The following PAPPA variants were observed in gnomAD, a reference collection of about 807,000 sequenced individuals.
PAPPA encodes the protein pappalysin 1, also known as pappalysin-1.
A neutral mutation model predicts 164.0 loss-of-function variants in PAPPA; 60 were observed. That is an observed-to-expected ratio of 0.37 (90% CI 0.30 to 0.45). The LOEUF is 0.45. Among genes scored for constraint, PAPPA ranks in the 20% least tolerant of loss-of-function variants. The pLI is 1.00. For synonymous variants in PAPPA, 875 were observed against 814.1 expected, an observed-to-expected ratio of 1.07 and a Z score of -1.27; for missense variants, 1,782 against 2,087.3, an observed-to-expected ratio of 0.85 and a Z score of 2.85.
chr9:116,225,696 A>T (rs867351760), intron 5 of PAPPA, among the ~76,000 whole-genome samples: 4 of 152,154 alleles, frequency 2.6e-5, no homozygotes, highest in Non-Finnish European at 5.9e-5. Flanking sequence ...CAAAATTTCC[A>T]CCTACATATG....
At chr9:116,285,674 C>CGTCATCAT (rs1845330074) in intron 9 of PAPPA, among the ~76,000 whole-genome samples, 2 of 152,130 alleles carry the variant, frequency 1.3e-5, no homozygotes, top group African/African-American at 4.8e-5. Context: ...AATCCTGTGC[C>CGTCATCAT]GTCATCATTT....
intron 10 of PAPPA, among the ~76,000 whole-genome samples, chr9:116,312,288 C>CTTTTTTTTTTTTTTTTTTTTTCT: frequency 7.7e-6 from 1 of 129,638 alleles, no homozygotes; most frequent in Non-Finnish European, 1.6e-5. Context: ...TTCTTTCTTT[C>CTTTTTTTTTTTTTTTTTTTTTCT]TTTTTTTTTT....
chr9:116,276,531 C>G (rs1009948119), intron 9 of PAPPA, among the ~76,000 whole-genome samples: 1 of 151,912 alleles, frequency 6.6e-6, no homozygotes, highest in Non-Finnish European at 1.5e-5. Context: ...GACTGAGACT[C>G]TAAAGCTTCT....
At chr9:116,220,755 G>A (rs1052906507) in intron 5 of PAPPA, among the ~76,000 whole-genome samples, 2 of 151,442 alleles carry the variant, frequency 1.3e-5, no homozygotes, top group South Asian at 4.2e-4. Flanking sequence ...GTGTGGTGGT[G>A]CGCGCCTGTA....
At chr9:116,357,913 C>T (rs1417300397) in intron 17 of PAPPA, among the ~76,000 whole-genome samples, 2 of 152,214 alleles carry the variant, frequency 1.3e-5, no homozygotes, top group Non-Finnish European at 2.9e-5. Flanking sequence ...ATCTTCAACA[C>T]ACCCAGCTCA....
chr9:116,312,900 G>A (rs941103025), intron 10 of PAPPA, among the ~76,000 whole-genome samples: 1 of 151,802 alleles, frequency 6.6e-6, no homozygotes, highest in Non-Finnish European at 1.5e-5. Flanking sequence ...TGGCTAACAC[G>A]GTGAAACCTC....
intron 9 of PAPPA, among the ~76,000 whole-genome samples, chr9:116,290,847 G>C (rs1409934237): frequency 6.6e-6 from 1 of 151,536 alleles, no homozygotes; most frequent in Admixed American, 6.6e-5. Context: ...CCATTTATTA[G>C]CTTATATTAT....
At chr9:116,356,135 C>A (rs1316831018) in intron 17 of PAPPA, among the ~76,000 whole-genome samples, 1 of 152,138 alleles carries the variant, frequency 6.6e-6, no homozygotes, top group Non-Finnish European at 1.5e-5. Flanking sequence ...CCACTAAAAG[C>A]AAATAAAAAC....
chr9:116,303,742 G>A (rs1251127508), intron 10 of PAPPA, among the ~76,000 whole-genome samples: 1 of 152,092 alleles, frequency 6.6e-6, no homozygotes, highest in Non-Finnish European at 1.5e-5. Context: ...CTATTCCCAG[G>A]CATTCCTTTC....
At position 116,271,378 on chromosome 9, in the gene PAPPA, C is replaced by T; in HGVS notation, c.2915C>T (p.Ser972Phe). The change falls in exon 9 of 22, where the codon TCC (serine) becomes TTC (phenylalanine). Residue 972 changes from serine to phenylalanine, a missense_variant. Physicochemically the swap from Ser to Phe is radical, Grantham distance 155. Coordinates refer to ENST00000328252, the MANE Select transcript of PAPPA (RefSeq NM_002581.5). This position sits in a 1 kb window ranked among gnomAD's most constrained non-coding sequence, Gnocchi z 4.2. ...AATAAGATCAATGGTGATGGCTGCT[C>T]CCTTTTCTGCCGACAAGAAGTCTCC... ...DMNKINGDGC[S>F]LFCRQEVSFN... is the part of the protein sequence containing the mutation. The T allele has an allele frequency of 2.5e-6, 4 of 1,613,916 alleles. No individual in the cohort carries two copies. Among genetic ancestry groups the T allele is most frequent in the Non-Finnish European group, 3.4e-6 (4 of 1,179,808 alleles).
chr9:116,386,332 C>T (rs1354195378), intron 21 of PAPPA, among the ~76,000 whole-genome samples: 3 of 152,172 alleles, frequency 2.0e-5, no homozygotes, highest in African/African-American at 4.8e-5. Flanking sequence ...TTGGACACCC[C>T]CAACTACTCC....
chr9:116,188,340 T>C, intron 2 of PAPPA, 124 bp downstream of exon 2: 1 of 678,148 alleles, frequency 1.5e-6, no homozygotes, highest in Non-Finnish European at 2.5e-6. Context: ...AGCAGCTTCA[T>C]GATTGAGGCA....
At chr9:116,303,733 T>C (rs910150006) in intron 10 of PAPPA, among the ~76,000 whole-genome samples, 3 of 152,212 alleles carry the variant, frequency 2.0e-5, no homozygotes, top group African/African-American at 7.2e-5. Flanking sequence ...GATGAGCTGC[T>C]ATTCCCAGGC....
Position 116,402,071 on chromosome 9 carries a change from AATTTAT to A in PAPPA, c.*5461_*5466del. ...ATTTATTAAGAATGTCATCTTTTTT[AATTTAT>A]ATTTACACAATTGTTCATCTAATTT... is the stretch of plus-strand genomic sequence containing the variant. On this transcript the variant is annotated 3_prime_UTR_variant, in exon 22 of 22. Coordinates refer to ENST00000328252, the MANE Select transcript of PAPPA (RefSeq NM_002581.5). 6.6e-6 allele frequency: 1 copy of A among 152,478 alleles called. No individual in the cohort carries two copies. Among genetic ancestry groups the A allele is most frequent in the Admixed American group, 6.6e-5 (1 of 15,264 alleles). The allele number at this position is 152,478 out of a possible 1,614,324, so 9.4% of individuals were successfully genotyped here. A position where few individuals can be genotyped will look rare whatever the true frequency, so the allele number is the denominator to read the frequency against.
Position 116,302,721 on chromosome 9 carries a change from A to C in PAPPA, c.2954-36A>C, listed in dbSNP as rs767337169. On this transcript the variant is annotated intron_variant, in intron 9 of 21. Coordinates refer to ENST00000328252, the MANE Select transcript of PAPPA (RefSeq NM_002581.5). ...TGCTGAGGCCAAAGAACAAATATTT[A>C]TTTATTCTCTCCCTTTCTATGTCAA... 10 of 1,557,810 alleles carry C rather than the reference A, an allele frequency of 6.4e-6. No homozygotes were observed. In the East Asian group the frequency reaches 2.3e-4, roughly 35 times the overall value.
chr9:116,282,765 G>A (rs1469379660), intron 9 of PAPPA, among the ~76,000 whole-genome samples: 3 of 152,192 alleles, frequency 2.0e-5, no homozygotes, highest in Non-Finnish European at 4.4e-5. Context: ...GCAGCAAACA[G>A]ATAATGAGAA....
chr9:116,199,356 A>C (rs554641167), intron 2 of PAPPA, among the ~76,000 whole-genome samples: 6 of 152,224 alleles, frequency 3.9e-5, no homozygotes, highest in Non-Finnish European at 8.8e-5. Context: ...TAAAAGAAAA[A>C]TACTACAGGA....
intron 10 of PAPPA, among the ~76,000 whole-genome samples, chr9:116,310,663 C>G (rs1053048006): frequency 6.6e-6 from 1 of 152,158 alleles, no homozygotes; most frequent in Non-Finnish European, 1.5e-5. Context: ...TTCTATTCAT[C>G]CTTTGGTCAT....
intron 19 of PAPPA, among the ~76,000 whole-genome samples, chr9:116,368,950 G>A (rs563309136): frequency 1.9e-4 from 29 of 152,126 alleles, no homozygotes; most frequent in African/African-American, 4.8e-4. Context: ...TCCTCTGTGC[G>A]CCCCGGCATG....
Sources: allele counts gnomAD v4.1 joint callset (sites outside exome capture counted in the v4.1 genomes callset), GRCh38; gene constraint gnomAD v4.1.1; non-coding constraint Gnocchi (gnomAD v3.1); transcripts MANE v1.5; gene names NCBI Gene and HGNC (gene_info 2026-07-23, HGNC 2026-07-21).